YIPF4: variants seen among roughly 807,000 people sequenced by gnomAD.
YIPF4 encodes the protein Yip1 domain family member 4.
A neutral mutation model predicts 29.4 loss-of-function variants in YIPF4; 18 were observed. The ratio of observed to expected loss-of-function variants is 0.61; its 90% CI spans 0.42 to 0.91. The LOEUF is 0.91. YIPF4 is among the 40% of genes least tolerant of loss of function. The probability of loss-of-function intolerance (pLI) is 0.00; values close to 1 mark genes in which losing one functional copy is unlikely to be tolerated. For synonymous variants in YIPF4, 115 were observed against 104.7 expected, an observed-to-expected ratio of 1.10 and a Z score of -0.60; for missense variants, 279 against 282.7, an observed-to-expected ratio of 0.99 and a Z score of 0.09.
At chr2:32,298,048 A>T (rs918106506) in intron 3 of YIPF4, among the ~76,000 whole-genome samples, 186 bp from the exon 4 acceptor site, 1 of 152,078 alleles carries the variant, frequency 6.6e-6, no homozygotes, top group Non-Finnish European at 1.5e-5. Flanking sequence ...TTTAATTTGG[A>T]TGTAAAATTG....
Position 32,314,767 on chromosome 2 carries a change from A to G in YIPF4, c.*9141A>G, listed in dbSNP as rs1436037640. ...ATAAACAGAATAGTTTTGGCATTCA[A>G]CAAACATTGGCTGTTATTATATTAG... On this transcript the variant is annotated 3_prime_UTR_variant, in exon 6 of 6. Coordinates refer to ENST00000238831, the MANE Select transcript of YIPF4 (RefSeq NM_032312.4). The G allele has an allele frequency of 2.0e-5, 3 of 152,362 alleles. No homozygotes were observed. Among genetic ancestry groups the G allele is most frequent in the Non-Finnish European group, 2.9e-5 (2 of 68,046 alleles). The allele number at this position is 152,362 out of a possible 1,614,324, so 9.4% of individuals were successfully genotyped here. A position where few individuals can be genotyped will look rare whatever the true frequency, so the allele number is the denominator to read the frequency against.
rs1026995515 is a variant in YIPF4, at chr2:32,280,538, G to A, written c.79+2304G>A. Among the ~76,000 whole-genome samples the A allele has an allele frequency of 2.0e-5, 3 of 149,430 alleles. No individual in the cohort carries two copies. In the East Asian group the frequency reaches 5.9e-4, roughly 29 times the overall value. On this transcript the variant is annotated intron_variant, in intron 1 of 5. Transcript: ENST00000238831. ...GGACTACAGGCGCCCGGCACCACGC[G>A]CGGCTAATTTTTTTTTTGTATTTTT...
chr2:32,312,646 C>G lies in YIPF4; in HGVS notation c.*7020C>G, dbSNP rs2031737374. On this transcript the variant is annotated 3_prime_UTR_variant, in exon 6 of 6. Transcript: ENST00000238831. ...TAATCACATATTTATTAACCCCTTC[C>G]TGTATGAACCTAGTACTGTGCTGAG... 1 of 151,886 alleles carries G rather than the reference C, an allele frequency of 6.6e-6. No homozygotes were observed. The highest frequency in any genetic ancestry group is 2.1e-4 in the South Asian group (1 of 4,818). The allele number at this position is 151,886 out of a possible 1,614,324, so 9.4% of individuals were successfully genotyped here.
chr2:32,302,051 G>A (rs1326812525), intron 5 of YIPF4, among the ~76,000 whole-genome samples: 1 of 128,562 alleles, frequency 7.8e-6, no homozygotes, highest in South Asian at 2.5e-4. Flanking sequence ...TTTTTTTTGA[G>A]ACAGAGTCTT....
At position 32,311,611 on chromosome 2, in the gene YIPF4, T is replaced by A. The variant is rs576589483; in HGVS notation, c.*5985T>A. 4.6e-5 allele frequency: 7 copies of A among 152,322 alleles called. 1 individual carries two copies. In the South Asian group the frequency reaches 1.2e-3, roughly 27 times the overall value. The allele number at this position is 152,322 out of a possible 1,614,324, so 9.4% of individuals were successfully genotyped here. On this transcript the variant is annotated 3_prime_UTR_variant, in exon 6 of 6. Transcript: ENST00000238831. ...TGAAAAAGAATATTTGTGTAAAATA[T>A]TTTGAAGTTGTAATTAGTGTATATA...
chr2:32,299,209 C>T (rs1310292641), intron 4 of YIPF4, among the ~76,000 whole-genome samples: 2 of 152,126 alleles, frequency 1.3e-5, no homozygotes, highest in Admixed American at 1.3e-4. Flanking sequence ...AAACTTTGAT[C>T]TCAGGTTGCC....
chr2:32,292,097 A>G (rs534722762), intron 2 of YIPF4, 80 bp from the exon 3 acceptor site: 2 of 971,082 alleles, frequency 2.1e-6, no homozygotes, highest in South Asian at 5.4e-5. Flanking sequence ...TCTTATTTAA[A>G]GTTTTCTTAA....
chr2:32,302,126 G>A (rs966004708), intron 5 of YIPF4, among the ~76,000 whole-genome samples: 1 of 151,814 alleles, frequency 6.6e-6, no homozygotes, highest in African/African-American at 2.4e-5. Flanking sequence ...TGCCTCCTGG[G>A]TTCAAGCCAT....
Position 32,306,318 on chromosome 2 carries a change from A to C in YIPF4, c.*692A>C, listed in dbSNP as rs531670977. ...TTTGGTTTGTTTGGGTATACTTTTC[A>C]AAACCATTTTTGAATGTCCAAACAT... On this transcript the variant is annotated 3_prime_UTR_variant, in exon 6 of 6. Coordinates refer to ENST00000238831, the MANE Select transcript of YIPF4 (RefSeq NM_032312.4). 2.0e-4 allele frequency: 193 copies of C among 985,766 alleles called. No homozygotes were observed. In the African/African-American group the frequency reaches 3.0e-3, roughly 15 times the overall value. The allele number at this position is 985,766 out of a possible 1,614,324, so 61.1% of individuals were successfully genotyped here.
chr2:32,286,824 A>G (rs1028160817), intron 1 of YIPF4, among the ~76,000 whole-genome samples: 1 of 151,928 alleles, frequency 6.6e-6, no homozygotes, highest in African/African-American at 2.4e-5. Context: ...GAGCCACCCC[A>G]CCCTGCTGAA....
chr2:32,289,696 C>G (rs914877696), intron 1 of YIPF4, among the ~76,000 whole-genome samples: 1 of 152,202 alleles, frequency 6.6e-6, no homozygotes, highest in African/African-American at 2.4e-5. Context: ...CCATGATTAT[C>G]TGTAACCCCT....
At chr2:32,293,077 T>C (rs2030992414) in intron 3 of YIPF4, among the ~76,000 whole-genome samples, 1 of 151,218 alleles carries the variant, frequency 6.6e-6, no homozygotes. Flanking sequence ...TTTTTATTTA[T>C]TTATTTATTT....
intron 1 of YIPF4, among the ~76,000 whole-genome samples, chr2:32,286,429 ATTAT>A (rs1249026058): frequency 6.6e-6 from 1 of 152,238 alleles, no homozygotes; most frequent in Non-Finnish European, 1.5e-5. Context: ...ACAGAATTTA[ATTAT>A]TTACAGTATG....
In YIPF4 at chr2:32,302,308, C is replaced by T. The variant is rs916307765; in HGVS notation, c.597+813C>T. ...CCTCCCAAAGTGCTGGGATTACAAG[C>T]GTGAGCCACTGCTCCCGGCTGGTCA... On this transcript the variant is annotated intron_variant, in intron 5 of 5. Coordinates refer to ENST00000238831, the MANE Select transcript of YIPF4 (RefSeq NM_032312.4). Among the ~76,000 whole-genome samples, 6 of 152,024 alleles carry T rather than the reference C, an allele frequency of 3.9e-5. No homozygotes were observed. In the East Asian group the frequency reaches 5.8e-4, roughly 15 times the overall value.
intron 5 of YIPF4, 134 bp from the exon 6 acceptor site, chr2:32,305,355 C>G: frequency 9.7e-7 from 1 of 1,032,856 alleles, no homozygotes; most frequent in Non-Finnish European, 1.3e-6. Context: ...ACATTTGTAA[C>G]AAGTTTTACT....
At chr2:32,303,135 C>T (rs551884225) in intron 5 of YIPF4, among the ~76,000 whole-genome samples, 1 of 152,068 alleles carries the variant, frequency 6.6e-6, no homozygotes, top group Non-Finnish European at 1.5e-5. Flanking sequence ...GAGGCTGAGG[C>T]GAATGGATTA....
chr2:32,289,631 A>G (rs1440465160), intron 1 of YIPF4, among the ~76,000 whole-genome samples: 1 of 152,188 alleles, frequency 6.6e-6, no homozygotes, highest in East Asian at 1.9e-4. Flanking sequence ...ATGTGACCTC[A>G]GGCAAATCCT....
intron 2 of YIPF4, 150 bp downstream of exon 2, chr2:32,290,786 A>G: frequency 4.9e-6 from 2 of 404,840 alleles, no homozygotes; most frequent in Non-Finnish European, 7.9e-6. Context: ...AAAAAACTGA[A>G]ATAATAATGA....
chr2:32,294,476 G>A (rs1459495667), intron 3 of YIPF4, among the ~76,000 whole-genome samples: 13 of 151,068 alleles, frequency 8.6e-5, no homozygotes, highest in Admixed American at 2.6e-4. Flanking sequence ...ATGGGCGGCC[G>A]GGCAGAGACG....
Sources: allele counts gnomAD v4.1 joint callset (sites outside exome capture counted in the v4.1 genomes callset), GRCh38; gene constraint gnomAD v4.1.1; transcripts MANE v1.5; gene names NCBI Gene and HGNC (gene_info 2026-07-23, HGNC 2026-07-21).